PHACTR1: variants seen among roughly 807,000 people sequenced by gnomAD.
PHACTR1 encodes the protein phosphatase and actin regulator 1.
A neutral mutation model predicts 69.2 loss-of-function variants in PHACTR1; 16 were observed. The ratio of observed to expected loss-of-function variants is 0.23; its 90% confidence interval spans 0.16 to 0.35. The LOEUF (loss-of-function observed/expected upper bound fraction) is 0.35. Ranked by LOEUF, PHACTR1 falls within the 10% of genes least tolerant of loss-of-function variation. The pLI is 1.00. For synonymous variants in PHACTR1, 312 were observed against 284.5 expected (o/e 1.10, Z -0.97); for missense variants, 510 against 734.7 (o/e 0.69, Z 3.54).
chr6:13,231,744 G>A (rs1457744915), intron 10 of PHACTR1, among the ~76,000 whole-genome samples: 2 of 152,226 alleles, frequency 1.3e-5, no homozygotes, highest in Non-Finnish European at 2.9e-5. Flanking sequence ...TCAAGGGCAT[G>A]TTTATGTGAC....
At chr6:12,738,243 T>G (rs1561835130) in intron 3 of PHACTR1, among the ~76,000 whole-genome samples, 1 of 152,220 alleles carries the variant, frequency 6.6e-6, no homozygotes, top group Non-Finnish European at 1.5e-5. Flanking sequence ...GTTTATGCAT[T>G]CTAGTCTGGG....
intron 5 of PHACTR1, among the ~76,000 whole-genome samples, chr6:13,068,064 C>A (rs1213230280): frequency 6.6e-6 from 1 of 152,176 alleles, no homozygotes; most frequent in Non-Finnish European, 1.5e-5. Context: ...CGCCTATAAT[C>A]CCATCACTTT....
chr6:12,799,138 T>G (rs949093943), intron 4 of PHACTR1, among the ~76,000 whole-genome samples: 1 of 152,250 alleles, frequency 6.6e-6, no homozygotes, highest in African/African-American at 2.4e-5. Context: ...TATCTATTTT[T>G]TAATTTGACC....
intron 3 of PHACTR1, among the ~76,000 whole-genome samples, chr6:12,727,681 G>A (rs1433693121): frequency 3.3e-5 from 5 of 152,108 alleles, no homozygotes; most frequent in Non-Finnish European, 7.3e-5. Context: ...AATTCACCAG[G>A]TGCTAGGGAA....
chr6:12,782,767 T>C (rs1387736169), intron 4 of PHACTR1, among the ~76,000 whole-genome samples: 1 of 152,160 alleles, frequency 6.6e-6, no homozygotes, highest in African/African-American at 2.4e-5. Flanking sequence ...ACAGAAAATA[T>C]AGGTTCTGGA....
chr6:13,254,506 A>G (rs1215068284), intron 10 of PHACTR1, among the ~76,000 whole-genome samples: 1 of 152,228 alleles, frequency 6.6e-6, no homozygotes, highest in African/African-American at 2.4e-5. Flanking sequence ...TTATATGACT[A>G]TCAAAGCAAG....
intron 4 of PHACTR1, among the ~76,000 whole-genome samples, chr6:12,847,816 C>A (rs1322969345): frequency 6.6e-6 from 1 of 152,012 alleles, no homozygotes; most frequent in Non-Finnish European, 1.5e-5. Context: ...ATGTTTCCAT[C>A]CAAAATTAAT....
chr6:13,270,555 G>A (rs2127443113), intron 10 of PHACTR1, among the ~76,000 whole-genome samples: 1 of 152,186 alleles, frequency 6.6e-6, no homozygotes, highest in East Asian at 1.9e-4. Flanking sequence ...GAAATTCCAG[G>A]GGTTTTAGGT....
chr6:13,179,686 A>G lies in PHACTR1; in HGVS notation c.497-2833A>G, dbSNP rs556226984. On this transcript the variant is annotated intron_variant, in intron 6 of 14. Transcript: ENST00000332995. This position sits in a 1 kb window ranked among gnomAD's most constrained non-coding sequence, Gnocchi z 4.2. ...GGAAGATAGGTAGGTAGGTAGGTAG[A>G]TAGATAAGTAGATAGAGATAGATAG... Among the ~76,000 whole-genome samples, 5 of 143,584 alleles carry G rather than the reference A, an allele frequency of 3.5e-5. No individual in the cohort carries two copies. The highest frequency in any genetic ancestry group is 5.1e-5 in the African/African-American group (2 of 39,036). 94.2% of individuals were successfully genotyped at this position (143,584 alleles called of 152,430 possible).
At chr6:12,902,136 C>T (rs1785265900) in intron 4 of PHACTR1, among the ~76,000 whole-genome samples, 1 of 152,082 alleles carries the variant, frequency 6.6e-6, no homozygotes, top group Non-Finnish European at 1.5e-5. Flanking sequence ...TAAGAACCTG[C>T]TATAGGCCAG....
At chr6:12,917,595 T>C (rs1187506234) in intron 4 of PHACTR1, among the ~76,000 whole-genome samples, 4 of 151,714 alleles carry the variant, frequency 2.6e-5, no homozygotes, top group Non-Finnish European at 5.9e-5. Context: ...TGTAAACAAG[T>C]TAAAAATAAA....
intron 4 of PHACTR1, among the ~76,000 whole-genome samples, chr6:12,955,024 A>G (rs1791712234): frequency 6.6e-6 from 1 of 152,208 alleles, no homozygotes. Context: ...TTCAGTATGA[A>G]AAGAATACAT....
intron 4 of PHACTR1, among the ~76,000 whole-genome samples, chr6:12,928,483 A>C (rs1209686177): frequency 1.3e-5 from 2 of 152,062 alleles, no homozygotes; most frequent in Non-Finnish European, 2.9e-5. Flanking sequence ...TCCTGGTTTA[A>C]TTTCTACCTT....
At chr6:12,809,187 C>A (rs2127691872) in intron 4 of PHACTR1, among the ~76,000 whole-genome samples, 1 of 152,240 alleles carries the variant, frequency 6.6e-6, no homozygotes, top group South Asian at 2.1e-4. Context: ...CATGCCCAGC[C>A]ATCTACTGTC....
Position 12,745,401 on chromosome 6 carries a change from C to T in PHACTR1, c.104-4243C>T, listed in dbSNP as rs73722815. On this transcript the variant is annotated intron_variant, in intron 3 of 14. Coordinates refer to ENST00000332995, the MANE Select transcript of PHACTR1 (RefSeq NM_030948.6). ...GTCAGGAGTCATATTTAGAAAGACG[C>T]AATCATGGGTGGCAGTGGGGTGGGG... is the stretch of plus-strand genomic sequence containing the variant. Among the ~76,000 whole-genome samples, 851 of 152,218 alleles carry T rather than the reference C, an allele frequency of 5.6e-3. 12 individuals are homozygous for T. The highest frequency in any genetic ancestry group is 0.02 in the African/African-American group (827 of 41,516).
intron 5 of PHACTR1, among the ~76,000 whole-genome samples, chr6:13,144,986 A>G (rs548939919): frequency 6.6e-6 from 1 of 152,188 alleles, no homozygotes; most frequent in Non-Finnish European, 1.5e-5. Context: ...ATATATAAAC[A>G]TCTAATTCAA....
At chr6:12,782,336 G>T (rs912659790) in intron 4 of PHACTR1, among the ~76,000 whole-genome samples, 5 of 152,114 alleles carry the variant, frequency 3.3e-5, no homozygotes, top group African/African-American at 1.2e-4. Context: ...AGGACAAGCA[G>T]GTTGGGCCGG....
chr6:13,217,252 T>C (rs564041681), intron 8 of PHACTR1, among the ~76,000 whole-genome samples: 2 of 152,200 alleles, frequency 1.3e-5, no homozygotes, highest in Admixed American at 1.3e-4. Context: ...GCCTGGGAGG[T>C]GGGCACCTAG....
intron 5 of PHACTR1, among the ~76,000 whole-genome samples, chr6:13,107,488 C>A (rs1561839969): frequency 6.6e-6 from 1 of 152,184 alleles, no homozygotes; most frequent in South Asian, 2.1e-4. Context: ...AGCAAAGAAG[C>A]CATCTGGACC....
Sources: allele counts gnomAD v4.1 joint callset (sites outside exome capture counted in the v4.1 genomes callset), GRCh38; gene constraint gnomAD v4.1.1; non-coding constraint Gnocchi (gnomAD v3.1); transcripts MANE v1.5; gene names NCBI Gene and HGNC (gene_info 2026-07-23, HGNC 2026-07-21).